COL21A1: variants seen among roughly 807,000 people sequenced by gnomAD.
COL21A1 encodes the protein collagen alpha-1(XXI) chain.
COL21A1 carries 149 observed loss-of-function variants against 137.9 expected under a neutral mutation model. The observed-to-expected ratio is 1.08, with a 90% CI of 0.95 to 1.24. The LOEUF is 1.24. COL21A1 is among the 50% of genes most tolerant of loss of function. The pLI is 0.00. For missense variants in COL21A1, 1,167 were observed against 1,158.4 expected (o/e 1.01, Z -0.11); for synonymous variants, 456 against 391.5 (o/e 1.16, Z -1.95).
At chr6:56,256,503 C>T (rs530009711) in intron 1 of COL21A1, among the ~76,000 whole-genome samples, 1 of 152,120 alleles carries the variant, frequency 6.6e-6, no homozygotes, top group East Asian at 1.9e-4. Context: ...CAAATTAGAT[C>T]GTTGAAAACT....
chr6:56,270,072 A>T (rs1018537618), intron 1 of COL21A1, among the ~76,000 whole-genome samples: 1 of 152,250 alleles, frequency 6.6e-6, no homozygotes, highest in African/African-American at 2.4e-5. Context: ...ATAAAATTTC[A>T]CATATCAATA....
chr6:56,102,474 C>G (rs145956427), intron 16 of COL21A1, among the ~76,000 whole-genome samples: 1 of 152,040 alleles, frequency 6.6e-6, no homozygotes, highest in African/African-American at 2.4e-5. Flanking sequence ...AACATTTTAT[C>G]CTAGATGAAA....
At chr6:56,171,818 TAGTC>T (rs1200723661) in intron 3 of COL21A1, among the ~76,000 whole-genome samples, 15 of 151,926 alleles carry the variant, frequency 9.9e-5, no homozygotes, top group East Asian at 7.7e-4. Flanking sequence ...TAGCATTACA[TAGTC>T]AGCTATATAG....
intron 17 of COL21A1, among the ~76,000 whole-genome samples, chr6:56,090,635 TAA>T (rs1453940344): frequency 1.2e-4 from 19 of 152,270 alleles, no homozygotes; most frequent in Admixed American, 2.0e-4. Context: ...AAATGCATTA[TAA>T]GAGTTATTCT....
chr6:56,351,895 G>A (rs891436229), intron 1 of COL21A1, among the ~76,000 whole-genome samples: 7 of 152,214 alleles, frequency 4.6e-5, no homozygotes, highest in African/African-American at 4.8e-5. Flanking sequence ...GCTGCGACTA[G>A]TGTGAGGTAA....
intron 1 of COL21A1, among the ~76,000 whole-genome samples, chr6:56,355,342 C>G (rs1765806078): frequency 1.3e-5 from 2 of 151,698 alleles, no homozygotes; most frequent in African/African-American, 4.8e-5. Flanking sequence ...GGGGTGCAAT[C>G]AACAAGATTC....
At chr6:56,084,821 CT>C (rs1364043615) in intron 17 of COL21A1, among the ~76,000 whole-genome samples, 1 of 152,032 alleles carries the variant, frequency 6.6e-6, no homozygotes, top group Admixed American at 6.6e-5. Flanking sequence ...ACTAGAACAA[CT>C]GGAAAGAATT....
At chr6:56,080,217 G>A (rs561686821) in intron 17 of COL21A1, among the ~76,000 whole-genome samples, 42 of 151,648 alleles carry the variant, frequency 2.8e-4, no homozygotes, top group Admixed American at 5.3e-4. Context: ...TTTCTGTTTC[G>A]CTGTGGTTTT....
intron 1 of COL21A1, among the ~76,000 whole-genome samples, chr6:56,190,299 A>T (rs956687927): frequency 1.3e-5 from 2 of 152,246 alleles, no homozygotes; most frequent in African/African-American, 2.4e-5. Flanking sequence ...ACCATCAGAG[A>T]CTACTATAAA....
chr6:56,305,282 T>A (rs1230781406), intron 1 of COL21A1, among the ~76,000 whole-genome samples: 1 of 152,158 alleles, frequency 6.6e-6, no homozygotes, highest in Admixed American at 6.5e-5. Context: ...AATTCCTGCA[T>A]ATCCTTGTCA....
intron 1 of COL21A1, among the ~76,000 whole-genome samples, chr6:56,280,194 T>A (rs1763759093): frequency 6.6e-6 from 1 of 152,238 alleles, no homozygotes; most frequent in Non-Finnish European, 1.5e-5. Context: ...ACACCTAATT[T>A]CAGTTCCACA....
chr6:56,382,727 G>A (rs1003934395), intron 1 of COL21A1, among the ~76,000 whole-genome samples: 1 of 152,050 alleles, frequency 6.6e-6, no homozygotes, highest in African/African-American at 2.4e-5. Flanking sequence ...CAGGAAGAGG[G>A]CCCTCACCAG....
At chr6:56,203,036 T>A (rs1779514562) in intron 1 of COL21A1, among the ~76,000 whole-genome samples, 1 of 152,180 alleles carries the variant, frequency 6.6e-6, no homozygotes, top group East Asian at 1.9e-4. Flanking sequence ...ATTAGCCTAA[T>A]TTCTTACTTG....
At chr6:56,236,843 T>C (rs1452089237) in intron 1 of COL21A1, among the ~76,000 whole-genome samples, 1 of 152,026 alleles carries the variant, frequency 6.6e-6, no homozygotes, top group African/African-American at 2.4e-5. Flanking sequence ...ATGGCATATA[T>C]TCAATGTTTT....
chr6:56,075,577 A>G (rs912075947), intron 18 of COL21A1, 45 bp from the exon 19 acceptor site: 1 of 1,344,620 alleles, frequency 7.4e-7, no homozygotes, highest in Non-Finnish European at 1.0e-6. Flanking sequence ...GTAAATTATC[A>G]ATTTATTTCA....
At chr6:56,376,335 A>C (rs1345070332) in intron 1 of COL21A1, among the ~76,000 whole-genome samples, 1 of 152,238 alleles carries the variant, frequency 6.6e-6, no homozygotes, top group African/African-American at 2.4e-5. Context: ...AGTGAAGAGA[A>C]AACGGAGGAA....
At chr6:56,256,935 T>C (rs897782993) in intron 1 of COL21A1, among the ~76,000 whole-genome samples, 4 of 152,138 alleles carry the variant, frequency 2.6e-5, no homozygotes, top group African/African-American at 9.7e-5. Flanking sequence ...TTCATGTCAT[T>C]GCACAGAGGA....
At chr6:56,169,009 A>G (rs1776820041) in intron 5 of COL21A1, among the ~76,000 whole-genome samples, 1 of 151,956 alleles carries the variant, frequency 6.6e-6, no homozygotes, top group Non-Finnish European at 1.5e-5. Flanking sequence ...ACTACCCCCC[A>G]GAGTTTTCTT....
At chr6:56,108,951 A>C (rs888566785) in intron 16 of COL21A1, among the ~76,000 whole-genome samples, 3 of 151,844 alleles carry the variant, frequency 2.0e-5, no homozygotes, top group Non-Finnish European at 4.4e-5. Flanking sequence ...TTTCACCCTA[A>C]AAAGACTTTT....
Sources: gnomAD v4.1 joint callset for allele counts (sites outside exome capture counted in the v4.1 genomes callset) on GRCh38, gnomAD v4.1.1 for gene constraint, MANE v1.5 for transcripts, NCBI Gene and HGNC (gene_info 2026-07-23, HGNC 2026-07-21) for gene names.